The following TYW1B variants were observed in gnomAD, a reference collection of about 807,000 sequenced individuals.
The protein encoded by TYW1B is S-adenosyl-L-methionine-dependent tRNA 4-demethylwyosine synthase TYW1B.
In TYW1B, 73 loss-of-function variants were observed where a neutral mutation model predicts 86.9. The ratio of observed to expected loss-of-function variants is 0.84; its 90% CI spans 0.70 to 1.02. The LOEUF (loss-of-function observed/expected upper bound fraction) is 1.02. Among genes scored for constraint, TYW1B ranks in the 50% least tolerant of loss-of-function variants. The pLI, the probability that TYW1B is intolerant of heterozygous loss-of-function variation, is 0.00. For missense variants in TYW1B, 637 were observed against 827.4 expected (o/e 0.77, Z 2.82); for synonymous variants, 248 against 292.8 (o/e 0.85, Z 1.56).
At chr7:72,772,664 A>C (rs1160150737) in intron 7 of TYW1B, among the ~76,000 whole-genome samples, 1 of 152,170 alleles carries the variant, frequency 6.6e-6, no homozygotes, top group Admixed American at 6.6e-5. Context: ...CAAGTAGTAC[A>C]TTCTGATTTC....
At chr7:72,612,758 A>G (rs183517351) in intron 13 of TYW1B, among the ~76,000 whole-genome samples, 2 of 150,326 alleles carry the variant, frequency 1.3e-5, no homozygotes, top group East Asian at 3.9e-4. Context: ...TTATTTATTT[A>G]TTTTTTTTTT....
intron 5 of TYW1B, among the ~76,000 whole-genome samples, chr7:72,805,403 A>G (rs1563100105): frequency 6.7e-6 from 1 of 150,312 alleles, no homozygotes; most frequent in Non-Finnish European, 1.5e-5. Flanking sequence ...CTTGAGCCCA[A>G]GTGTTCAAAA....
At chr7:72,753,985 G>C (rs1187764859) in intron 7 of TYW1B, among the ~76,000 whole-genome samples, 2 of 152,078 alleles carry the variant, frequency 1.3e-5, no homozygotes, top group Non-Finnish European at 2.9e-5. Flanking sequence ...AACGAAACCT[G>C]AAATATCTCC....
chr7:72,764,377 G>T lies in TYW1B; in HGVS notation c.964+13039C>A, dbSNP rs1438953949. The stretch of plus-strand genomic sequence containing the variant: ...GGCTCACTGCAACCTCCGCCTCCCG[G>T]GTTTGAGCGATTCTTCTGCCTCAGC... On this transcript the variant is annotated intron_variant, in intron 7 of 13. Coordinates refer to ENST00000620995, the MANE Select transcript of TYW1B (RefSeq NM_001145440.3). Among the ~76,000 whole-genome samples, 31 of 152,286 alleles carry T rather than the reference G, an allele frequency of 2.0e-4. 1 individual carries two copies. Among genetic ancestry groups the T allele is most frequent in the Admixed American group, 2.0e-3 (31 of 15,288 alleles).
rs375234926 is a variant in TYW1B at position 72,767,923 on chromosome 7, A to G, written c.964+9493T>C. Among the ~76,000 whole-genome samples, 59 of 152,240 alleles carry G rather than the reference A, an allele frequency of 3.9e-4. 1 individual carries two copies. The East Asian group carries it at 0.01, about 27-fold the overall frequency. On this transcript the variant is annotated intron_variant, in intron 7 of 13. Coordinates refer to ENST00000620995, the MANE Select transcript of TYW1B (RefSeq NM_001145440.3). Reference sequence around the variant, plus strand: ...TCACACCATTCATAAAAATTAATTCAAGACGAATCACAGGCCCAAACATAA... The same window carrying G: ...TCACACCATTCATAAAAATTAATTCGAGACGAATCACAGGCCCAAACATAA...
chr7:72,671,789 G>A (rs1554446392), intron 11 of TYW1B, among the ~76,000 whole-genome samples: 1 of 149,538 alleles, frequency 6.7e-6, no homozygotes, highest in Non-Finnish European at 1.5e-5. Context: ...TTTTAAAAGT[G>A]TACCAACTTT....
intron 11 of TYW1B, among the ~76,000 whole-genome samples, chr7:72,674,689 T>C (rs1225531115): frequency 3.3e-5 from 5 of 152,216 alleles, no homozygotes; most frequent in African/African-American, 9.6e-5. Context: ...CCCCACGGAA[T>C]TGTTTCCTGT....
At chr7:72,703,058 T>C (rs1204487194) in intron 10 of TYW1B, among the ~76,000 whole-genome samples, 2 of 142,538 alleles carry the variant, frequency 1.4e-5, no homozygotes, top group Non-Finnish European at 3.0e-5. Context: ...GGAGTCTCGC[T>C]CTTTCTCCCA....
chr7:72,705,197 GA>G (rs1814583755), intron 10 of TYW1B, among the ~76,000 whole-genome samples: 1 of 152,114 alleles, frequency 6.6e-6, no homozygotes, highest in Non-Finnish European at 1.5e-5. Flanking sequence ...ACTCATACAA[GA>G]AAACTGCATG....
intron 2 of TYW1B, chr7:72,823,009 CT>C (rs1291022098): frequency 3.3e-3 from 476 of 143,214 alleles, no homozygotes; most frequent in Non-Finnish European, 4.6e-3. Context: ...TTCTTCTTTC[CT>C]TTTTTTTTTT....
At chr7:72,734,356 G>A (rs1787164494) in intron 8 of TYW1B, among the ~76,000 whole-genome samples, 1 of 150,596 alleles carries the variant, frequency 6.6e-6, no homozygotes, top group African/African-American at 2.4e-5. Context: ...GAACAAAATA[G>A]AGAACCCAGA....
chr7:72,654,393 G>A (rs1554443323), intron 11 of TYW1B, among the ~76,000 whole-genome samples: 1 of 152,114 alleles, frequency 6.6e-6, no homozygotes, highest in East Asian at 1.9e-4. Context: ...CAAAATACCT[G>A]ACCAGTCCTG....
At chr7:72,642,438 CGTAA>C (rs1237586253) in intron 11 of TYW1B, among the ~76,000 whole-genome samples, 14 of 152,312 alleles carry the variant, frequency 9.2e-5, no homozygotes, top group African/African-American at 2.6e-4. Context: ...TAATTTTACT[CGTAA>C]GTGTGAACTG....
intron 8 of TYW1B, among the ~76,000 whole-genome samples, chr7:72,738,980 A>C (rs1411447234): frequency 6.6e-6 from 1 of 152,122 alleles, no homozygotes; most frequent in Non-Finnish European, 1.5e-5. Context: ...GAGTTACTCA[A>C]GTGGCTGAGG....
At position 72,826,956 on chromosome 7, in the gene TYW1B, A is replaced by C. The variant is rs1554481532; in HGVS notation, c.34T>G (p.Ser12Ala). Residue 12 changes from serine (S) to alanine (A), a missense_variant, in exon 2 of 14, where the codon TCA becomes GCA. Coordinates refer to ENST00000620995, the MANE Select transcript of TYW1B (RefSeq NM_001145440.3). ...DPSADTWDLS[S>A]PLISLWINRF... ...TTTATCCATAATGATATTAAAGGTG[A>C]GGAGAGGTCCCATGTATCCGCAGAA... The C allele has an allele frequency of 2.5e-6, 4 of 1,613,064 alleles. No individual in the cohort carries two copies. The highest frequency in any genetic ancestry group is 3.4e-5 in the Admixed American group (2 of 59,616).
At chr7:72,638,311 C>T (rs2129568962) in intron 11 of TYW1B, among the ~76,000 whole-genome samples, 1 of 152,232 alleles carries the variant, frequency 6.6e-6, no homozygotes, top group East Asian at 1.9e-4. Flanking sequence ...TGTATGTAAG[C>T]AAACAAAATG....
At chr7:72,779,504 G>A (rs1585977904) in intron 6 of TYW1B, among the ~76,000 whole-genome samples, 1 of 152,326 alleles carries the variant, frequency 6.6e-6, no homozygotes, top group Non-Finnish European at 1.5e-5. Context: ...ATCACCTGAG[G>A]TCAGGAGTTT....
chr7:72,722,539 T>C (rs1786923413), intron 9 of TYW1B, among the ~76,000 whole-genome samples: 1 of 152,100 alleles, frequency 6.6e-6, no homozygotes, highest in African/African-American at 2.4e-5. Context: ...CAAAGTTAAT[T>C]TTGTATGTAT....
chr7:72,726,548 G>C (rs566255317), intron 9 of TYW1B, among the ~76,000 whole-genome samples: 37 of 152,100 alleles, frequency 2.4e-4, no homozygotes, highest in African/African-American at 8.7e-4. Flanking sequence ...ATTTTTAGTA[G>C]AGATGGGGTT....
Sources: gnomAD v4.1 joint callset for allele counts (sites outside exome capture counted in the v4.1 genomes callset) on GRCh38, gnomAD v4.1.1 for gene constraint, MANE v1.5 for transcripts, NCBI Gene and HGNC (gene_info 2026-07-23, HGNC 2026-07-21) for gene names.